The following ABLIM2 variants were observed in gnomAD, a reference collection of about 807,000 sequenced individuals.
ABLIM2 encodes the protein actin-binding LIM protein 2.
Under a neutral mutation model 97.7 loss-of-function variants are expected in ABLIM2, and 53 were observed. The observed-to-expected ratio is 0.54, with a 90% CI of 0.44 to 0.68. ABLIM2 has a LOEUF of 0.68. ABLIM2 is among the 30% of genes least tolerant of loss of function. The pLI, the probability that ABLIM2 is intolerant of heterozygous loss-of-function variation, is 0.00. For missense variants in ABLIM2, 835 were observed against 867.2 expected, an observed-to-expected ratio of 0.96 and a Z score of 0.47; for synonymous variants, 361 against 345.8, an observed-to-expected ratio of 1.04 and a Z score of -0.49.
chr4:8,029,845 C>T (rs1164394906), intron 10 of ABLIM2, 69 bp from the exon 11 acceptor site: 1 of 1,520,748 alleles, frequency 6.6e-7, no homozygotes, highest in East Asian at 2.5e-5. Flanking sequence ...CCACCCATCC[C>T]CCGACACCAT....
rs117203298 is a variant in ABLIM2 at position 8,116,973 on chromosome 4, G to C, written c.11-10336C>G. On this transcript the variant is annotated intron_variant, in intron 1 of 20. Coordinates refer to ENST00000447017, the MANE Select transcript of ABLIM2 (RefSeq NM_001130083.2). The stretch of plus-strand genomic sequence containing the variant: ...ATACAAAAACTCCCTGGTATAGACA[G>C]TAGGAGAGGGGACTCAGTGGCGACG... 9.8e-4 allele frequency among the ~76,000 whole-genome samples: 150 copies of C among 152,350 alleles called. 1 individual carries two copies. In the East Asian group the frequency reaches 0.025, roughly 25 times the overall value.
chr4:8,108,696 G>A (rs766296971), intron 1 of ABLIM2, among the ~76,000 whole-genome samples: 5 of 152,310 alleles, frequency 3.3e-5, no homozygotes, highest in South Asian at 2.1e-4. Flanking sequence ...CCAGTCCCCC[G>A]AGGCCGACAG....
intron 1 of ABLIM2, among the ~76,000 whole-genome samples, chr4:8,144,382 C>T (rs1456027277): frequency 6.6e-6 from 1 of 152,238 alleles, no homozygotes; most frequent in Non-Finnish European, 1.5e-5. Flanking sequence ...GACACTGCCC[C>T]TTATGCCCCA....
Position 8,075,561 on chromosome 4 carries a change from C to T in ABLIM2, c.675+2067G>A, listed in dbSNP as rs538408602. On this transcript the variant is annotated intron_variant, in intron 6 of 20. Transcript: ENST00000447017. This position sits in a 1 kb window ranked among gnomAD's most constrained non-coding sequence, Gnocchi z 4.4. The stretch of plus-strand genomic sequence containing the variant: ...TACAAAAATTAGCCAGGTGTGGTGG[C>T]GCACACCTGTAGTCCCAGCTGGTCG... Among the ~76,000 whole-genome samples, 8 of 152,120 alleles carry T rather than the reference C, an allele frequency of 5.3e-5. No homozygotes were observed. The South Asian group carries it at 6.2e-4, about 12-fold the overall frequency.
At chr4:8,009,208 A>C in intron 14 of ABLIM2, 106 bp from the exon 15 acceptor site, 2 of 1,395,314 alleles carry the variant, frequency 1.4e-6, no homozygotes, top group Non-Finnish European at 2.0e-6. Context: ...AAATCAATCA[A>C]AGAGAAGGTC....
intron 14 of ABLIM2, among the ~76,000 whole-genome samples, chr4:8,017,205 G>A (rs1438824969): frequency 6.6e-6 from 1 of 152,062 alleles, no homozygotes; most frequent in Non-Finnish European, 1.5e-5. Context: ...CATACAACTA[G>A]CCCTGCTTCA....
intron 20 of ABLIM2, 112 bp from the exon 21 acceptor site, chr4:7,967,215 G>A: frequency 2.3e-6 from 2 of 867,616 alleles, no homozygotes; most frequent in Non-Finnish European, 3.8e-6. Flanking sequence ...TTGAGGATGG[G>A]GTGGCCCTCA....
rs921839956 is a variant in ABLIM2 at position 8,075,518 on chromosome 4, C to G, written c.675+2110G>C. Among the ~76,000 whole-genome samples the G allele has an allele frequency of 6.6e-6, 1 of 151,984 alleles. No homozygotes were observed. The highest frequency in any genetic ancestry group is 1.5e-5 in the Non-Finnish European group (1 of 68,006). On this transcript the variant is annotated intron_variant, in intron 6 of 20. Coordinates refer to ENST00000447017, the MANE Select transcript of ABLIM2 (RefSeq NM_001130083.2). This position sits in a 1 kb window ranked among gnomAD's most constrained non-coding sequence, Gnocchi z 4.4. ...GACCAGCTTGGGTGACATAGTGAGA[C>G]CCTGTCTCTACAAAAACTACAAAAA...
chr4:8,143,440 A>G (rs1008179545), intron 1 of ABLIM2, among the ~76,000 whole-genome samples: 4 of 151,998 alleles, frequency 2.6e-5, no homozygotes, highest in African/African-American at 9.7e-5. Context: ...CACCCTACCC[A>G]GGGCCTAAGG....
chr4:8,146,480 G>A (rs983715185), intron 1 of ABLIM2, among the ~76,000 whole-genome samples: 7 of 152,210 alleles, frequency 4.6e-5, no homozygotes, highest in Non-Finnish European at 1.0e-4. Context: ...TTATGTTAGC[G>A]TGCAGAGCAG....
chr4:7,997,753 G>T (rs1273679895), intron 16 of ABLIM2, among the ~76,000 whole-genome samples: 1 of 152,130 alleles, frequency 6.6e-6, no homozygotes. Flanking sequence ...CCCCTCATCA[G>T]CTACTGTTTC....
At chr4:7,969,738 C>G (rs1726165524) in intron 20 of ABLIM2, among the ~76,000 whole-genome samples, 1 of 122,934 alleles carries the variant, frequency 8.1e-6, no homozygotes, top group African/African-American at 2.9e-5. Flanking sequence ...CTGACACACA[C>G]ACACACACAC....
At chr4:8,018,749 T>C (rs1771318311) in intron 14 of ABLIM2, among the ~76,000 whole-genome samples, 1 of 152,252 alleles carries the variant, frequency 6.6e-6, no homozygotes, top group African/African-American at 2.4e-5. Flanking sequence ...TTTAGGTACA[T>C]CTGGACAAGA....
intron 14 of ABLIM2, 33 bp from the exon 15 acceptor site, chr4:8,009,135 A>T: frequency 2.5e-6 from 4 of 1,613,514 alleles, no homozygotes; most frequent in Non-Finnish European, 3.4e-6. Flanking sequence ...TAAAGGCCAC[A>T]CACCATTGCT....
rs983966918 is a variant in ABLIM2, at chr4:8,015,943, TCAC to T, written c.1423+3672_1423+3674del. Among the ~76,000 whole-genome samples the T allele has an allele frequency of 6.6e-6, 1 of 152,028 alleles. No homozygotes were observed. Among genetic ancestry groups the T allele is most frequent in the Non-Finnish European group, 1.5e-5 (1 of 68,028 alleles). The stretch of plus-strand genomic sequence containing the variant: ...TTTATATAGCAAATCGATGATAAAA[TCAC>T]CACACTTCCTCATTTTATAAGTTCA... On this transcript the variant is annotated intron_variant, in intron 14 of 20. Coordinates refer to ENST00000447017, the MANE Select transcript of ABLIM2 (RefSeq NM_001130083.2). The surrounding 1 kb of genome is among the most constrained non-coding windows in gnomAD (Gnocchi z 4.6).
rs1330472247 is a variant in ABLIM2, at chr4:8,127,645, A to G, written c.11-21008T>C. The G allele has an allele frequency of 2.3e-5, 30 of 1,287,254 alleles. No homozygotes were observed. Among genetic ancestry groups the G allele is most frequent in the Non-Finnish European group, 2.9e-5 (29 of 987,194 alleles). 79.7% of individuals were successfully genotyped at this position (1,287,254 alleles called of 1,614,324 possible). A position where few individuals can be genotyped will look rare whatever the true frequency, so the allele number is the denominator to read the frequency against. ...GCGTGGCTGGGCCTGGCACCCACGG[A>G]GGATCGGGCAGGAGTGGACCGGGGA... is the stretch of plus-strand genomic sequence containing the variant. On this transcript the variant is annotated intron_variant, in intron 1 of 20. Coordinates refer to ENST00000447017, the MANE Select transcript of ABLIM2 (RefSeq NM_001130083.2). The surrounding 1 kb of genome is among the most constrained non-coding windows in gnomAD (Gnocchi z 7.3).
At chr4:8,035,706 T>C (rs573086579) in intron 10 of ABLIM2, among the ~76,000 whole-genome samples, 22 of 152,330 alleles carry the variant, frequency 1.4e-4, no homozygotes, top group South Asian at 4.1e-4. Context: ...GTCGGTTACA[T>C]TGGCTCATGA....
chr4:7,972,232 C>T (rs1477753854), intron 20 of ABLIM2, among the ~76,000 whole-genome samples: 1 of 152,176 alleles, frequency 6.6e-6, no homozygotes, highest in Non-Finnish European at 1.5e-5. Flanking sequence ...TGTCAGGTGG[C>T]CCCAGGGCCC....
At chr4:8,126,330 G>A (rs1847907946) in intron 1 of ABLIM2, among the ~76,000 whole-genome samples, 1 of 152,052 alleles carries the variant, frequency 6.6e-6, no homozygotes, top group Non-Finnish European at 1.5e-5. Flanking sequence ...GGGGGAGGAG[G>A]GAGCCGCTGG....
Sources: allele counts gnomAD v4.1 joint callset (sites outside exome capture counted in the v4.1 genomes callset), GRCh38; gene constraint gnomAD v4.1.1; non-coding constraint Gnocchi (gnomAD v3.1); transcripts MANE v1.5; gene names NCBI Gene and HGNC (gene_info 2026-07-23, HGNC 2026-07-21).